The following FXYD3 variants were observed in gnomAD, a reference collection of about 807,000 sequenced individuals.
The protein encoded by FXYD3 is FXYD domain containing ion transport regulator 3, also known as FXYD domain-containing ion transport regulator 3.
FXYD3 carries 13 observed loss-of-function variants against 19.2 expected under a neutral mutation model. The observed-to-expected ratio is 0.68, with a 90% CI of 0.44 to 1.08. The LOEUF (loss-of-function observed/expected upper bound fraction) is 1.08, where lower values mean the gene tolerates loss of function less well. Among genes scored for constraint, FXYD3 ranks in the 50% least tolerant of loss-of-function variants. FXYD3 has a pLI of 0.00. For synonymous variants in FXYD3, 48 were observed against 38.9 expected (o/e 1.23, Z -0.87); for missense variants, 101 against 109.4 (o/e 0.92, Z 0.34).
chr19:35,119,990 A>G (rs1185548266), intron 3 of FXYD3: 1 of 152,272 alleles, frequency 6.6e-6, no homozygotes, highest in Non-Finnish European at 1.5e-5. Flanking sequence ...TATTAAACAG[A>G]AATAACGGAA....
chr19:35,117,399 C>T lies in FXYD3; in HGVS notation c.-15+1040C>T, dbSNP rs571863476. 1.5e-4 allele frequency: 212 copies of T among 1,458,426 alleles called. 1 individual carries two copies. Among genetic ancestry groups the T allele is most frequent in the Middle Eastern group, 1.2e-3 (7 of 5,692 alleles). 90.3% of individuals were successfully genotyped at this position (1,458,426 alleles called of 1,614,324 possible). A position where few individuals can be genotyped will look rare whatever the true frequency, so the allele number is the denominator to read the frequency against. ...AAGAGGTGAGACTCAACAGCCATGG[C>T]GACAGAGCATAGGGCTTTAAGATGA... is the stretch of plus-strand genomic sequence containing the variant. On this transcript the variant is annotated intron_variant, in intron 2 of 8. Coordinates refer to ENST00000604404, the MANE Select transcript of FXYD3 (RefSeq NM_005971.4).
At position 35,116,306 on chromosome 19, in the gene FXYD3, G is replaced by A. The variant is rs1030838943; in HGVS notation, c.-68G>A. ...CAGCTTCGGATAAACGCAGGACTCC[G>A]CCTGGCAGCCCGATTTCTCCCGGAA... On this transcript the variant is annotated 5_prime_UTR_variant, in exon 2 of 9. Coordinates refer to ENST00000604404, the MANE Select transcript of FXYD3 (RefSeq NM_005971.4). The A allele has an allele frequency of 6.1e-6, 6 of 985,454 alleles. No homozygotes were observed. The highest frequency in any genetic ancestry group is 1.0e-3 in the Middle Eastern group (2 of 1,916). The allele number at this position is 985,454 out of a possible 1,614,324, so 61.0% of individuals were successfully genotyped here.
intron 5 of FXYD3, among the ~76,000 whole-genome samples, chr19:35,122,003 G>A (rs1382384753): frequency 2.6e-5 from 4 of 152,166 alleles, no homozygotes. Flanking sequence ...GCTAATTTTT[G>A]TATACTTTGT....
At chr19:35,119,180 C>T in intron 2 of FXYD3, 183 bp from the exon 3 acceptor site, 2 of 1,557,796 alleles carry the variant, frequency 1.3e-6, no homozygotes, top group Non-Finnish European at 1.7e-6. Flanking sequence ...CCGAGTTTCA[C>T]CCAGTCCCCA....
Position 35,123,703 on chromosome 19 carries a change from C to T in FXYD3, c.*246C>T. ...GTGTGCATTGGGGTGGGGCTTGGGGCACCATGAGAAGGTTGGCGTGCCCTG... is the reference window on the plus strand; with the variant it reads ...GTGTGCATTGGGGTGGGGCTTGGGGTACCATGAGAAGGTTGGCGTGCCCTG... On this transcript the variant is annotated 3_prime_UTR_variant, in exon 9 of 9. Coordinates refer to ENST00000604404, the MANE Select transcript of FXYD3 (RefSeq NM_005971.4). 1 of 572,082 alleles carries T rather than the reference C, an allele frequency of 1.7e-6. No individual in the cohort carries two copies. Among genetic ancestry groups the T allele is most frequent in the South Asian group, 2.1e-5 (1 of 48,180 alleles). 35.4% of individuals were successfully genotyped at this position (572,082 alleles called of 1,614,324 possible).
intron 3 of FXYD3, chr19:35,119,812 AGG>A: frequency 4.0e-5 from 8 of 201,708 alleles, no homozygotes; most frequent in Non-Finnish European, 7.0e-5. Context: ...CTAGAATGCC[AGG>A]CACACGCCAC....
chr19:35,117,764 A>AAAAAAAAAAAT (rs57040791), intron 2 of FXYD3, among the ~76,000 whole-genome samples: 1 of 148,794 alleles, frequency 6.7e-6, no homozygotes, highest in Non-Finnish European at 1.5e-5. Context: ...CCGCAAAAAA[A>AAAAAAAAAAAT]GGAAAAGAAA....
At chr19:35,117,490 G>C in intron 2 of FXYD3, 1 of 1,013,980 alleles carries the variant, frequency 9.9e-7, no homozygotes, top group East Asian at 3.2e-5. Flanking sequence ...GCATTAAGCT[G>C]CAGAGATTGA....
intron 3 of FXYD3, among the ~76,000 whole-genome samples, chr19:35,120,841 T>C (rs1203490580): frequency 1.3e-5 from 2 of 152,184 alleles, no homozygotes; most frequent in East Asian, 3.9e-4. Flanking sequence ...AAAAACCTCC[T>C]AGATTAGAAC....
intron 2 of FXYD3, among the ~76,000 whole-genome samples, chr19:35,117,757 C>CAAAAAAAAAAA (rs67977522): frequency 0.014 from 898 of 65,708 alleles, 17 homozygotes; most frequent in South Asian, 0.023. Context: ...TTTCTTCCCG[C>CAAAAAAAAAAA]AAAAAAAGGA....
chr19:35,123,532 AC>A lies in FXYD3; in HGVS notation c.*76del. On this transcript the variant is annotated 3_prime_UTR_variant, in exon 9 of 9. Coordinates refer to ENST00000604404, the MANE Select transcript of FXYD3 (RefSeq NM_005971.4). ...GTCCTGTCTCTGCACAGAAACTTGA[AC>A]TCCAGGATGGAATTCTTCCTCCTCT... The A allele has an allele frequency of 6.6e-7, 1 of 1,515,446 alleles. No individual in the cohort carries two copies. The allele number at this position is 1,515,446 out of a possible 1,614,324, so 93.9% of individuals were successfully genotyped here.
chr19:35,120,970 C>T (rs1428316325), intron 3 of FXYD3, 108 bp from the exon 4 acceptor site: 1 of 1,177,496 alleles, frequency 8.5e-7, no homozygotes, highest in African/African-American at 1.5e-5. Flanking sequence ...GGACCCCTGT[C>T]CCGCAGGAGA....
chr19:35,120,469 C>T (rs935850673), intron 3 of FXYD3, among the ~76,000 whole-genome samples: 3 of 152,190 alleles, frequency 2.0e-5, no homozygotes, highest in Non-Finnish European at 4.4e-5. Flanking sequence ...GCAGCCTTGA[C>T]CTCCCAGGCT....
intron 5 of FXYD3, 80 bp from the exon 6 acceptor site, chr19:35,122,685 A>G: frequency 8.8e-7 from 1 of 1,142,210 alleles, no homozygotes; most frequent in South Asian, 1.2e-5. Context: ...TAGGTGCTCC[A>G]TATATATTTG....
At chr19:35,123,104 A>G (rs2065084462) in intron 7 of FXYD3, 150 bp downstream of exon 7, 2 of 1,460,018 alleles carry the variant, frequency 1.4e-6, no homozygotes, top group Non-Finnish European at 1.8e-6. Context: ...CTAGCTGGTA[A>G]TCCCCAGGGG....
intron 2 of FXYD3, chr19:35,118,450 G>A (rs965917258): frequency 1.0e-6 from 1 of 990,020 alleles, no homozygotes; most frequent in African/African-American, 1.7e-5. Context: ...CATGCTCGGA[G>A]GCCAGGGCTT....
At chr19:35,116,389 C>T (rs934940512) in intron 2 of FXYD3, 30 bp downstream of exon 2, 4 of 985,266 alleles carry the variant, frequency 4.1e-6, no homozygotes, top group Admixed American at 6.2e-5. Context: ...TCCTCCAAGC[C>T]CTCCTTGTCT....
intron 5 of FXYD3, among the ~76,000 whole-genome samples, chr19:35,122,432 G>GGC (rs1431544286): frequency 1.3e-5 from 2 of 152,192 alleles, no homozygotes; most frequent in African/African-American, 4.8e-5. Flanking sequence ...TGGGATATCA[G>GGC]GCGTGAGCCA....
rs2145344758 is a variant in FXYD3 at position 35,122,790 on chromosome 19, G to A, written c.123G>A (p.Gly41=). 6.2e-7 allele frequency: 1 copy of A among 1,613,786 alleles called. No individual in the cohort carries two copies. The highest frequency in any genetic ancestry group is 8.5e-7 in the Non-Finnish European group (1 of 1,179,980). ...YYDWHSLQVG[G]LICAGVLCAM... is the part of the protein sequence containing the mutation. Reference sequence around the variant, plus strand: ...ACTGGCACAGCCTCCAGGTTGGCGGGCTCATCTGCGCTGGGGTTCTGTGCG... The same window carrying A: ...ACTGGCACAGCCTCCAGGTTGGCGGACTCATCTGCGCTGGGGTTCTGTGCG... Residue 41 remains glycine, a synonymous_variant, in exon 6 of 9, where the codon GGG becomes GGA. Coordinates refer to ENST00000604404, the MANE Select transcript of FXYD3 (RefSeq NM_005971.4).
Sources: gnomAD v4.1 joint callset for allele counts (sites outside exome capture counted in the v4.1 genomes callset) on GRCh38, gnomAD v4.1.1 for gene constraint, MANE v1.5 for transcripts, NCBI Gene and HGNC (gene_info 2026-07-23, HGNC 2026-07-21) for gene names.